Variants in EPB41L4A observed in about 807,000 individuals in gnomAD.
EPB41L4A encodes the protein erythrocyte membrane protein band 4.1 like 4A.
Under a neutral mutation model 108.6 loss-of-function variants are expected in EPB41L4A, and 100 were observed. That is an observed-to-expected ratio of 0.92 (90% CI 0.78 to 1.09). The LOEUF is 1.09. Ranked by LOEUF, EPB41L4A falls within the 50% of genes least tolerant of loss-of-function variation. The pLI, the probability that EPB41L4A is intolerant of heterozygous loss-of-function variation, is 0.00. For synonymous variants in EPB41L4A, 319 were observed against 289.0 expected (o/e 1.10, Z -1.05); for missense variants, 1,030 against 842.7 (o/e 1.22, Z -2.75).
chr5:112,335,506 G>A lies in EPB41L4A; in HGVS notation c.100-28016C>T, dbSNP rs1756859158. On this transcript the variant is annotated intron_variant, in intron 1 of 22. Coordinates refer to ENST00000261486, the MANE Select transcript of EPB41L4A (RefSeq NM_022140.5). ...CTAGACATTCATGTCTATTAAATCA[G>A]GCCCTCAAACTGGCATTTTCCAGAT... is the stretch of plus-strand genomic sequence containing the variant. Among the ~76,000 whole-genome samples the A allele has an allele frequency of 3.3e-5, 5 of 152,254 alleles. No individual in the cohort carries two copies. The South Asian group carries it at 1.0e-3, about 32-fold the overall frequency.
intron 1 of EPB41L4A, among the ~76,000 whole-genome samples, chr5:112,367,367 G>A (rs1489739425): frequency 6.6e-6 from 1 of 152,110 alleles, no homozygotes; most frequent in Non-Finnish European, 1.5e-5. Flanking sequence ...GCAACCTCTT[G>A]TCTCCAAGAC....
intron 1 of EPB41L4A, among the ~76,000 whole-genome samples, chr5:112,414,216 A>G (rs1264146919): frequency 2.0e-5 from 3 of 152,340 alleles, no homozygotes; most frequent in East Asian, 3.8e-4. Flanking sequence ...CAAGATAAAG[A>G]TAACATATTG....
In EPB41L4A at chr5:112,266,269, T is replaced by TGACGGGACAGGGCA. The variant is rs1561524724; in HGVS notation, c.383_396dup (p.Asn133CysfsTer50). On this transcript the variant is annotated frameshift_variant, in exon 5 of 23. Transcript: ENST00000261486. LOFTEE classifies it high-confidence loss of function. ...TACGCTCCCAGCTGAGCAGCAGTGT[T>TGACGGGACAGGGCA]GACGGGACAGGGCAGACGGCCCTGA... is the stretch of plus-strand genomic sequence containing the variant. The TGACGGGACAGGGCA allele has an allele frequency of 1.2e-6, 2 of 1,611,284 alleles. No individual in the cohort carries two copies. Among genetic ancestry groups the TGACGGGACAGGGCA allele is most frequent in the Non-Finnish European group, 1.7e-6 (2 of 1,179,022 alleles).
chr5:112,303,231 G>A (rs1754482038), intron 2 of EPB41L4A, among the ~76,000 whole-genome samples: 1 of 152,116 alleles, frequency 6.6e-6, no homozygotes, highest in African/African-American at 2.4e-5. Context: ...TACAGCATCA[G>A]GATGAAAGGA....
At chr5:112,343,232 C>A (rs1757432249) in intron 1 of EPB41L4A, among the ~76,000 whole-genome samples, 1 of 152,150 alleles carries the variant, frequency 6.6e-6, no homozygotes, top group Non-Finnish European at 1.5e-5. Context: ...TAATTTCAAA[C>A]ACATCCTAAG....
intron 1 of EPB41L4A, among the ~76,000 whole-genome samples, chr5:112,343,292 T>C (rs147492576): frequency 3.9e-5 from 6 of 152,228 alleles, no homozygotes; most frequent in East Asian, 3.9e-4. Context: ...AAGAAATATA[T>C]AGTATGGAGA....
At chr5:112,389,183 T>C (rs1760765927) in intron 1 of EPB41L4A, among the ~76,000 whole-genome samples, 1 of 152,248 alleles carries the variant, frequency 6.6e-6, no homozygotes, top group Non-Finnish European at 1.5e-5. Context: ...AAGAAAATTA[T>C]TTCATTCAAA....
chr5:112,174,109 T>C (rs1760743014), intron 18 of EPB41L4A, among the ~76,000 whole-genome samples: 1 of 152,210 alleles, frequency 6.6e-6, no homozygotes, highest in African/African-American at 2.4e-5. Flanking sequence ...CAAACAGTTT[T>C]AAGGCGAGGA....
At chr5:112,414,442 G>T (rs971670674) in intron 1 of EPB41L4A, among the ~76,000 whole-genome samples, 1 of 152,116 alleles carries the variant, frequency 6.6e-6, no homozygotes, top group African/African-American at 2.4e-5. Context: ...GGAGATTTTT[G>T]GTTGTCATTA....
At chr5:112,418,794 C>A (rs1762877699) in intron 1 of EPB41L4A, 147 bp downstream of exon 1, 1 of 585,750 alleles carries the variant, frequency 1.7e-6, no homozygotes, top group Non-Finnish European at 3.1e-6. Context: ...CCACCCTCTC[C>A]CTGCGCGCAG....
At chr5:112,243,275 G>GTATA (rs112296906) in intron 9 of EPB41L4A, among the ~76,000 whole-genome samples, 3,120 of 130,508 alleles carry the variant, frequency 0.024, 134 homozygotes, top group African/African-American at 0.079. Context: ...ATATGTGTGT[G>GTATA]TATATATATA....
chr5:112,278,495 A>G lies in EPB41L4A; in HGVS notation c.256+1777T>C, dbSNP rs569162366. The stretch of plus-strand genomic sequence containing the variant: ...TTCAACTCCTGACCTCAGGTGATCC[A>G]CCTGCCTCAGCCACCCAAACTGCTG... On this transcript the variant is annotated intron_variant, in intron 3 of 22. Coordinates refer to ENST00000261486, the MANE Select transcript of EPB41L4A (RefSeq NM_022140.5). Among the ~76,000 whole-genome samples the G allele has an allele frequency of 9.0e-4, 137 of 151,966 alleles. 4 individuals carry two copies. In the East Asian group the frequency reaches 0.017, roughly 18 times the overall value.
At chr5:112,184,894 A>G (rs1003093062) in intron 17 of EPB41L4A, among the ~76,000 whole-genome samples, 2 of 152,232 alleles carry the variant, frequency 1.3e-5, no homozygotes, top group Non-Finnish European at 2.9e-5. Context: ...GAACTCTTCT[A>G]ATTTTTAAGT....
intron 1 of EPB41L4A, among the ~76,000 whole-genome samples, chr5:112,319,299 C>T (rs1755618742): frequency 6.6e-6 from 1 of 152,118 alleles, no homozygotes; most frequent in Non-Finnish European, 1.5e-5. Context: ...ATTACAACCC[C>T]TATGAGAAAA....
chr5:112,328,565 G>C (rs1756339942), intron 1 of EPB41L4A, among the ~76,000 whole-genome samples: 1 of 152,182 alleles, frequency 6.6e-6, no homozygotes, highest in South Asian at 2.1e-4. Flanking sequence ...TTAATAACCA[G>C]AGTGGAGGCT....
chr5:112,281,776 C>T (rs1429203710), intron 2 of EPB41L4A, among the ~76,000 whole-genome samples: 1 of 152,140 alleles, frequency 6.6e-6, no homozygotes, highest in East Asian at 1.9e-4. Flanking sequence ...TATGCAATCC[C>T]CTTACCCTTT....
chr5:112,381,559 C>A (rs1361521782), intron 1 of EPB41L4A, among the ~76,000 whole-genome samples: 1 of 152,184 alleles, frequency 6.6e-6, no homozygotes, highest in Non-Finnish European at 1.5e-5. Flanking sequence ...AGCAAATAAA[C>A]AATTTTCTGG....
intron 1 of EPB41L4A, among the ~76,000 whole-genome samples, chr5:112,362,236 T>C (rs1490773325): frequency 6.6e-6 from 1 of 151,814 alleles, no homozygotes; most frequent in Non-Finnish European, 1.5e-5. Context: ...TGGCAACTGG[T>C]TGGGACTACA....
chr5:112,329,182 G>T (rs1008881728), intron 1 of EPB41L4A, among the ~76,000 whole-genome samples: 6 of 151,978 alleles, frequency 3.9e-5, no homozygotes, highest in African/African-American at 1.5e-4. Context: ...AAACAAAATT[G>T]CTAATTTTTT....
Sources: allele counts gnomAD v4.1 joint callset (sites outside exome capture counted in the v4.1 genomes callset), GRCh38; gene constraint gnomAD v4.1.1; transcripts MANE v1.5; gene names NCBI Gene and HGNC (gene_info 2026-07-23, HGNC 2026-07-21).